ALDH1A1: variants seen among roughly 807,000 people sequenced by gnomAD.
ALDH1A1 encodes the protein aldehyde dehydrogenase 1 family member A1, also known as aldehyde dehydrogenase 1A1.
In ALDH1A1, 19 loss-of-function variants were observed where a neutral mutation model predicts 62.1. The ratio of observed to expected loss-of-function variants is 0.31; its 90% CI spans 0.21 to 0.45. The LOEUF (loss-of-function observed/expected upper bound fraction) is 0.45, where lower values mean the gene tolerates loss of function less well. Among genes scored for constraint, ALDH1A1 ranks in the 20% least tolerant of loss-of-function variants. ALDH1A1 has a pLI of 1.00. For missense variants in ALDH1A1, 521 were observed against 607.1 expected (o/e 0.86, Z 1.49); for synonymous variants, 231 against 215.9 (o/e 1.07, Z -0.61).
rs1341139577 is a variant in ALDH1A1 at position 72,918,796 on chromosome 9, G to T, written c.774C>A (p.Ala258=). The T allele has an allele frequency of 1.2e-5, 20 of 1,613,674 alleles. No homozygotes were observed. Among genetic ancestry groups the T allele is most frequent in the Non-Finnish European group, 1.7e-5 (20 of 1,179,904 alleles). Residue 258 remains alanine, a synonymous_variant, in exon 8 of 13, where the codon GCC becomes GCA. Coordinates refer to ENST00000297785, the MANE Select transcript of ALDH1A1 (RefSeq NM_000689.5). ...TCACCCTCTTCAGATTGCTTTTCCCGGCAGCTTCTTTGATCAACTTGCCAA... is the reference window on the plus strand; with the variant it reads ...TCACCCTCTTCAGATTGCTTTTCCCTGCAGCTTCTTTGATCAACTTGCCAA... ...TEVGKLIKEA[A]GKSNLKRVTL...
intron 11 of ALDH1A1, among the ~76,000 whole-genome samples, chr9:72,908,623 GA>G (rs1192488608): frequency 1.7e-5 from 2 of 117,116 alleles, no homozygotes; most frequent in Non-Finnish European, 3.7e-5. Flanking sequence ...AAGAAAGAAA[GA>G]AAGAGAATAT....
At chr9:72,937,776 G>T (rs1830362809) in intron 2 of ALDH1A1, among the ~76,000 whole-genome samples, 1 of 152,156 alleles carries the variant, frequency 6.6e-6, no homozygotes, top group Non-Finnish European at 1.5e-5. Flanking sequence ...AAGGACCTTT[G>T]TTTGTGCACT....
intron 7 of ALDH1A1, among the ~76,000 whole-genome samples, chr9:72,920,206 G>C (rs1314901781): frequency 6.6e-6 from 1 of 152,102 alleles, no homozygotes; most frequent in African/African-American, 2.4e-5. Flanking sequence ...GTGAATTACA[G>C]AATAGGGCAT....
At chr9:72,912,671 C>T (rs1161090794) in intron 9 of ALDH1A1, among the ~76,000 whole-genome samples, 1 of 152,172 alleles carries the variant, frequency 6.6e-6, no homozygotes, top group African/African-American at 2.4e-5. Context: ...GTCTGCGCAC[C>T]CTTCCCAGTT....
chr9:72,941,720 A>G (rs1212300346), intron 1 of ALDH1A1, among the ~76,000 whole-genome samples: 3 of 152,212 alleles, frequency 2.0e-5, no homozygotes, highest in Non-Finnish European at 2.9e-5. Flanking sequence ...ATACTCTATG[A>G]CACTTGTGAT....
intron 12 of ALDH1A1, 22 bp downstream of exon 12, chr9:72,905,936 C>T: frequency 3.9e-6 from 6 of 1,546,296 alleles, no homozygotes; most frequent in Non-Finnish European, 4.4e-6. Flanking sequence ...AAATATTTAT[C>T]TTAATAGAAC....
At chr9:72,902,876 A>C (rs1829824187) in intron 12 of ALDH1A1, among the ~76,000 whole-genome samples, 1 of 151,954 alleles carries the variant, frequency 6.6e-6, no homozygotes, top group African/African-American at 2.4e-5. Context: ...CTGATTCTGA[A>C]TTAGCAGGTC....
At chr9:72,931,079 G>C (rs778604276) in intron 2 of ALDH1A1, 60 bp from the exon 3 acceptor site, 1 of 1,595,412 alleles carries the variant, frequency 6.3e-7, no homozygotes, top group Non-Finnish European at 8.6e-7. Context: ...CAAATTTAAT[G>C]CCAATAACCC....
chr9:72,946,042 A>G (rs1254492634), intron 1 of ALDH1A1, among the ~76,000 whole-genome samples: 4 of 151,976 alleles, frequency 2.6e-5, no homozygotes, highest in Admixed American at 2.6e-4. Flanking sequence ...AAGATGCCAC[A>G]GCATTTGTTT....
At chr9:72,923,249 CT>C (rs1830164434) in intron 7 of ALDH1A1, among the ~76,000 whole-genome samples, 1 of 152,132 alleles carries the variant, frequency 6.6e-6, no homozygotes, top group East Asian at 1.9e-4. Flanking sequence ...CAGCAGCTTT[CT>C]AAGATGGAGT....
At chr9:72,908,759 T>C (rs1346313175) in intron 11 of ALDH1A1, among the ~76,000 whole-genome samples, 2 of 152,078 alleles carry the variant, frequency 1.3e-5, no homozygotes, top group Non-Finnish European at 2.9e-5. Context: ...GTCTAGAGAC[T>C]GACAGCTGAG....
chr9:72,925,799 A>T (rs1588138027), intron 5 of ALDH1A1, among the ~76,000 whole-genome samples, 187 bp from the exon 6 acceptor site: 1 of 152,328 alleles, frequency 6.6e-6, no homozygotes, highest in South Asian at 2.1e-4. Context: ...AATAAACCAG[A>T]TATGAGATAT....
chr9:72,916,199 T>C (rs1356417165), intron 9 of ALDH1A1, among the ~76,000 whole-genome samples: 1 of 151,966 alleles, frequency 6.6e-6, no homozygotes, highest in Non-Finnish European at 1.5e-5. Flanking sequence ...GGGAGCAAAA[T>C]TGCCCCAGTT....
At chr9:72,908,468 GA>G (rs1829909411) in intron 11 of ALDH1A1, among the ~76,000 whole-genome samples, 5 of 54,960 alleles carry the variant, frequency 9.1e-5, no homozygotes, top group Admixed American at 1.9e-4. Flanking sequence ...AAAGAAGAAA[GA>G]AAAGAAAAGA....
chr9:72,928,904 T>C lies in ALDH1A1; in HGVS notation c.430A>G (p.Thr144Ala), dbSNP rs1830244840. 1 of 1,613,802 alleles carries C rather than the reference T, an allele frequency of 6.2e-7. No individual in the cohort carries two copies. Among genetic ancestry groups the C allele is most frequent in the Non-Finnish European group, 8.5e-7 (1 of 1,179,872 alleles). ...CAAAGATACTTACCAATTGGTATTG[T>C]ACGGCCCTGGATCTTGTCAGCCCAA... ...AGWADKIQGR[T>A]IPIDGNFFTY... Residue 144 changes from threonine (T) to alanine (A), a missense_variant, in exon 4 of 13, where the codon ACA (threonine) becomes GCA (alanine). Thr to Ala is a moderately conservative substitution (Grantham distance 58). Coordinates refer to ENST00000297785, the MANE Select transcript of ALDH1A1 (RefSeq NM_000689.5).
intron 1 of ALDH1A1, among the ~76,000 whole-genome samples, chr9:72,940,571 CT>C (rs1269843118): frequency 6.6e-6 from 1 of 152,148 alleles, no homozygotes; most frequent in Non-Finnish European, 1.5e-5. Context: ...CTTTTGTGGG[CT>C]TGGTCTTTAT....
chr9:72,928,765 G>T, intron 4 of ALDH1A1, 127 bp downstream of exon 4: 1 of 1,102,674 alleles, frequency 9.1e-7, no homozygotes, highest in Non-Finnish European at 1.2e-6. Context: ...TTGTCTCAAA[G>T]TCAAGAGGAA....
rs186037809 is a variant in ALDH1A1, at chr9:72,910,462, T to C, written c.1201-703A>G. 2.0e-3 allele frequency among the ~76,000 whole-genome samples: 307 copies of C among 152,270 alleles called. 1 individual carries two copies. Among genetic ancestry groups the C allele is most frequent in the African/African-American group, 7.1e-3 (294 of 41,564 alleles). The stretch of plus-strand genomic sequence containing the variant: ...AATCAAAGCATGAGTTCATTGGTAA[T>C]GGCTATAATTGCAGGACAGAAAACA... On this transcript the variant is annotated intron_variant, in intron 10 of 12. Coordinates refer to ENST00000297785, the MANE Select transcript of ALDH1A1 (RefSeq NM_000689.5).
chr9:72,911,778 C>T (rs1309442933), intron 10 of ALDH1A1, among the ~76,000 whole-genome samples, 180 bp downstream of exon 10: 1 of 152,120 alleles, frequency 6.6e-6, no homozygotes, highest in Non-Finnish European at 1.5e-5. Context: ...CCCATGGATC[C>T]CTTACTACTT....
Sources: allele counts gnomAD v4.1 joint callset (sites outside exome capture counted in the v4.1 genomes callset), GRCh38; gene constraint gnomAD v4.1.1; transcripts MANE v1.5; gene names NCBI Gene and HGNC (gene_info 2026-07-23, HGNC 2026-07-21).